The following KDM2B variants were observed in gnomAD, a reference collection of about 807,000 sequenced individuals.
KDM2B encodes the protein lysine demethylase 2B, also known as lysine-specific demethylase 2B.
KDM2B carries 26 observed loss-of-function variants against 150.0 expected under a neutral mutation model. The ratio of observed to expected loss-of-function variants is 0.17; its 90% CI spans 0.13 to 0.24. The LOEUF is 0.24. Ranked by LOEUF, KDM2B falls within the 10% of genes least tolerant of loss-of-function variation. The probability of loss-of-function intolerance (pLI) is 1.00; values close to 1 mark genes in which losing one functional copy is unlikely to be tolerated. For synonymous variants in KDM2B, 734 were observed against 729.5 expected (o/e 1.01, Z -0.10); for missense variants, 1,265 against 1,816.9 (o/e 0.70, Z 5.52).
intron 12 of KDM2B, among the ~76,000 whole-genome samples, chr12:121,491,726 G>A (rs1051357850): frequency 4.6e-5 from 7 of 150,708 alleles, no homozygotes; most frequent in African/African-American, 9.8e-5. Context: ...CCCAGGAAGC[G>A]GAGGTGGCAG....
the KDM2B span, chr12:121,420,770 A>G: frequency 1.2e-6 from 2 of 1,610,064 alleles, no homozygotes; most frequent in Non-Finnish European, 8.5e-7. Flanking sequence ...GAAGAAAACC[A>G]AAAGTCCTGT....
the KDM2B span, among the ~76,000 whole-genome samples, chr12:121,415,752 G>T: frequency 6.6e-6 from 1 of 151,734 alleles, no homozygotes; most frequent in Non-Finnish European, 1.5e-5. Context: ...AATACAGGGT[G>T]CCTGAAAATT....
intron 9 of KDM2B, chr12:121,516,866 G>GTA (rs1180945528): frequency 2.4e-6 from 1 of 424,622 alleles, no homozygotes. Flanking sequence ...TTTTTCTCCT[G>GTA]GAAAAAAAAA....
intron 22 of KDM2B, among the ~76,000 whole-genome samples, chr12:121,439,147 G>C (rs1213411676): frequency 6.6e-6 from 1 of 152,150 alleles, no homozygotes; most frequent in Admixed American, 6.5e-5. Flanking sequence ...CACAAGGGGT[G>C]CATGTAAGCA....
intron 11 of KDM2B, among the ~76,000 whole-genome samples, chr12:121,495,407 T>G (rs1161419959): frequency 2.0e-5 from 3 of 152,182 alleles, no homozygotes; most frequent in Non-Finnish European, 4.4e-5. Flanking sequence ...GTGACCCACC[T>G]GCCTTGGCCT....
chr12:121,488,030 G>A (rs1431671279), intron 12 of KDM2B, among the ~76,000 whole-genome samples: 8 of 151,966 alleles, frequency 5.3e-5, no homozygotes, highest in Non-Finnish European at 1.2e-4. Context: ...TGACCCGCCC[G>A]CCTCAGCCTC....
At chr12:121,557,902 G>T (rs1480473694) in intron 4 of KDM2B, among the ~76,000 whole-genome samples, 1 of 152,184 alleles carries the variant, frequency 6.6e-6, no homozygotes, top group African/African-American at 2.4e-5. Flanking sequence ...TTACACAGGG[G>T]AGGGCTGGTC....
chr12:121,471,571 G>A (rs1201809840), intron 12 of KDM2B, among the ~76,000 whole-genome samples: 2 of 152,160 alleles, frequency 1.3e-5, no homozygotes, highest in African/African-American at 4.8e-5. Context: ...CTTGGAGTTA[G>A]TCACCAGCCT....
chr12:121,481,491 A>G (rs782079994), intron 12 of KDM2B, among the ~76,000 whole-genome samples: 33 of 148,196 alleles, frequency 2.2e-4, no homozygotes, highest in South Asian at 4.4e-4. Context: ...CGTTTGGTTG[A>G]GCATACATCC....
chr12:121,578,769 C>T lies in KDM2B; in HGVS notation c.271+33G>A, dbSNP rs782691634. 4.8e-6 allele frequency: 7 copies of T among 1,457,326 alleles called. No individual in the cohort carries two copies. The South Asian group carries it at 9.4e-5, about 19-fold the overall frequency. The allele number at this position is 1,457,326 out of a possible 1,614,324, so 90.3% of individuals were successfully genotyped here. ...CTCCCCACGTGCGCTCGGCCCGCAG[C>T]GCAGAGGGCGGCCCGGGGTGGGGGC... On this transcript the variant is annotated intron_variant, in intron 2 of 22. Transcript: ENST00000377071.
At position 121,518,362 on chromosome 12, in the gene KDM2B, C is replaced by A. The variant is rs1377443800; in HGVS notation, c.1047+2623G>T. Among the ~76,000 whole-genome samples the A allele has an allele frequency of 6.6e-6, 1 of 152,126 alleles. No homozygotes were observed. The highest frequency in any genetic ancestry group is 2.4e-5 in the African/African-American group (1 of 41,408). On this transcript the variant is annotated intron_variant, in intron 9 of 22. Transcript: ENST00000377071. The surrounding 1 kb of genome is among the most constrained non-coding windows in gnomAD (Gnocchi z 4.4). ...GCTCCTAAGGCATAAACAATTGGGC[C>A]TCGTAGCCAAGTCCCTCTCTCAAGA... is the stretch of plus-strand genomic sequence containing the variant.
chr12:121,490,184 A>G (rs994843713), intron 12 of KDM2B, among the ~76,000 whole-genome samples: 2 of 152,140 alleles, frequency 1.3e-5, no homozygotes, highest in Non-Finnish European at 2.9e-5. Context: ...AGCAGAAGCA[A>G]AGGTCACAAG....
chr12:121,534,176 C>CT (rs1467687541), intron 7 of KDM2B, among the ~76,000 whole-genome samples: 1 of 152,032 alleles, frequency 6.6e-6, no homozygotes, highest in Non-Finnish European at 1.5e-5. Flanking sequence ...GGTGAAACCC[C>CT]GTCTCTACTA....
intron 6 of KDM2B, among the ~76,000 whole-genome samples, chr12:121,548,097 A>T (rs1889208631): frequency 6.6e-6 from 1 of 152,048 alleles, no homozygotes; most frequent in Non-Finnish European, 1.5e-5. Context: ...GTAATGCCAC[A>T]TGTTGTGATG....
chr12:121,541,645 C>T (rs1398332326), intron 6 of KDM2B, among the ~76,000 whole-genome samples: 2 of 152,052 alleles, frequency 1.3e-5, no homozygotes, highest in Admixed American at 1.3e-4. Context: ...ACAATTTCCC[C>T]AGTTCCTCCT....
Position 121,467,502 on chromosome 12 carries a change from C to T in KDM2B, c.1735-14158G>A, listed in dbSNP as rs1319066707. On this transcript the variant is annotated intron_variant, in intron 12 of 22. Coordinates refer to ENST00000377071, the MANE Select transcript of KDM2B (RefSeq NM_032590.5). This position sits in a 1 kb window ranked among gnomAD's most constrained non-coding sequence, Gnocchi z 5.1. ...TGGCGCGGCCGCGGCGCTGGGGCCG[C>T]ACACAAAGGGAGCCCGGCCTGCGGT... The T allele has an allele frequency of 7.9e-6, 2 of 253,694 alleles. No individual in the cohort carries two copies. Among genetic ancestry groups the T allele is most frequent in the Admixed American group, 6.7e-5 (1 of 14,940 alleles). 15.7% of individuals were successfully genotyped at this position (253,694 alleles called of 1,614,324 possible). A position where few individuals can be genotyped will look rare whatever the true frequency, so the allele number is the denominator to read the frequency against.
intron 12 of KDM2B, among the ~76,000 whole-genome samples, chr12:121,479,325 G>C (rs1283633207): frequency 2.7e-5 from 4 of 146,996 alleles, no homozygotes; most frequent in African/African-American, 9.9e-5. Flanking sequence ...AAATTAGCCA[G>C]GCATGGTGGC....
At chr12:121,568,333 G>A (rs1047423839) in intron 4 of KDM2B, among the ~76,000 whole-genome samples, 16 of 151,864 alleles carry the variant, frequency 1.1e-4, no homozygotes, top group Admixed American at 7.2e-4. Context: ...GGTGGCGGGC[G>A]CCTCTAATCC....
At position 121,537,994 on chromosome 12, in the gene KDM2B, C is replaced by G. The variant is rs1433274185; in HGVS notation, c.684-3404G>C. Among the ~76,000 whole-genome samples the G allele has an allele frequency of 6.6e-6, 1 of 150,446 alleles. No homozygotes were observed. The highest frequency in any genetic ancestry group is 1.9e-4 in the East Asian group (1 of 5,154). On this transcript the variant is annotated intron_variant, in intron 6 of 22. Transcript: ENST00000377071. The surrounding 1 kb of genome is among the most constrained non-coding windows in gnomAD (Gnocchi z 8.7). Reference sequence around the variant, plus strand: ...TCGGCTGCGGAGGCTCGACGCGCGCCCGGCCCCACTCCCGGCGGCAACGCG... The same window carrying G: ...TCGGCTGCGGAGGCTCGACGCGCGCGCGGCCCCACTCCCGGCGGCAACGCG...
Sources: allele counts gnomAD v4.1 joint callset (sites outside exome capture counted in the v4.1 genomes callset), GRCh38; gene constraint gnomAD v4.1.1; non-coding constraint Gnocchi (gnomAD v3.1); transcripts MANE v1.5; gene names NCBI Gene and HGNC (gene_info 2026-07-23, HGNC 2026-07-21).